Variants in GLIS3 observed in about 807,000 individuals in gnomAD.
The protein encoded by GLIS3 is GLIS family zinc finger 3, also known as zinc finger protein GLIS3.
In GLIS3, 53 loss-of-function variants were observed where a neutral mutation model predicts 78.6. The observed-to-expected ratio is 0.67, with a 90% CI of 0.54 to 0.85. The LOEUF is 0.85. Among genes scored for constraint, GLIS3 ranks in the 40% least tolerant of loss-of-function variants. The pLI, the probability that GLIS3 is intolerant of heterozygous loss-of-function variation, is 0.00. For missense variants in GLIS3, 1,703 were observed against 1,231.1 expected (o/e 1.38, Z -5.74); for synonymous variants, 684 against 509.9 (o/e 1.34, Z -4.60).
At chr9:4,018,402 G>A (rs776424273) in intron 4 of GLIS3, among the ~76,000 whole-genome samples, 6 of 152,186 alleles carry the variant, frequency 3.9e-5, no homozygotes, top group Non-Finnish European at 8.8e-5. Flanking sequence ...AAGGAAGAAA[G>A]CAAGATGAAT....
At chr9:4,396,647 T>C in the GLIS3 span, among the ~76,000 whole-genome samples, 1 of 152,236 alleles carries the variant, frequency 6.6e-6, no homozygotes, top group African/African-American at 2.4e-5. Flanking sequence ...ACCATTTTTA[T>C]ATCACCATTT....
At chr9:4,222,643 G>A (rs1474351379) in intron 2 of GLIS3, among the ~76,000 whole-genome samples, 1 of 152,186 alleles carries the variant, frequency 6.6e-6, no homozygotes, top group Non-Finnish European at 1.5e-5. Context: ...GCAGGCAAGT[G>A]TTTGGATGTG....
intron 8 of GLIS3, among the ~76,000 whole-genome samples, chr9:3,871,265 G>A (rs1820951408): frequency 6.6e-6 from 1 of 152,156 alleles, no homozygotes; most frequent in African/African-American, 2.4e-5. Flanking sequence ...ATTGAGCATG[G>A]GCTGGCATTG....
chr9:4,487,111 T>G, the GLIS3 span, among the ~76,000 whole-genome samples: 1 of 152,220 alleles, frequency 6.6e-6, no homozygotes, highest in Non-Finnish European at 1.5e-5. Flanking sequence ...GCGATTCTCC[T>G]GCCTCAGCCT....
At chr9:4,315,196 C>T (rs886865239) in intron 2 of GLIS3, among the ~76,000 whole-genome samples, 5 of 152,170 alleles carry the variant, frequency 3.3e-5, no homozygotes, top group Non-Finnish European at 5.9e-5. Context: ...AATCATGTGT[C>T]CCAGATGCAT....
intron 2 of GLIS3, among the ~76,000 whole-genome samples, chr9:4,132,066 C>CA (rs1291489826): frequency 2.2e-5 from 3 of 138,878 alleles, no homozygotes. Flanking sequence ...AAAAAAAAAA[C>CA]AAAAAACCAC....
At chr9:4,351,235 T>A (rs1817966880), upstream of GLIS3, among the ~76,000 whole-genome samples, 1 of 151,908 alleles carries the variant, frequency 6.6e-6, no homozygotes, top group African/African-American at 2.4e-5. Flanking sequence ...AGAGTGAGAC[T>A]CTGTCTCAAA....
intron 4 of GLIS3, among the ~76,000 whole-genome samples, chr9:3,985,035 C>T (rs1387240243): frequency 6.6e-6 from 1 of 151,908 alleles, no homozygotes; most frequent in African/African-American, 2.4e-5. Flanking sequence ...TTGTAAATTG[C>T]CCAGTCTCAG....
At chr9:4,328,577 GAT>G (rs1442344719) in intron 2 of GLIS3, among the ~76,000 whole-genome samples, 2 of 152,218 alleles carry the variant, frequency 1.3e-5, no homozygotes, top group African/African-American at 2.4e-5. Flanking sequence ...TCCCAAGAAA[GAT>G]AAAGCTCCTG....
chr9:4,200,224 C>G (rs1197600129), intron 2 of GLIS3, among the ~76,000 whole-genome samples: 1 of 151,960 alleles, frequency 6.6e-6, no homozygotes, highest in Non-Finnish European at 1.5e-5. Context: ...AATTAATGAA[C>G]TAACCTCAAA....
intron 6 of GLIS3, among the ~76,000 whole-genome samples, chr9:3,905,164 C>CTTTTTTTTTTTTT (rs1563834122): frequency 7.5e-6 from 1 of 133,356 alleles, no homozygotes; most frequent in Non-Finnish European, 1.6e-5. Flanking sequence ...TTTTTTTTTG[C>CTTTTTTTTTTTTT]TATTTTTAGT....
intron 2 of GLIS3, among the ~76,000 whole-genome samples, chr9:4,311,160 A>G (rs969750721): frequency 6.6e-6 from 1 of 152,160 alleles, no homozygotes; most frequent in Non-Finnish European, 1.5e-5. Flanking sequence ...TGTAATCCCA[A>G]CACTTTGGGA....
the GLIS3 span, among the ~76,000 whole-genome samples, chr9:4,466,888 G>A: frequency 2.0e-4 from 30 of 152,348 alleles, no homozygotes; most frequent in African/African-American, 5.8e-4. Flanking sequence ...CTAGCCAAGG[G>A]AAGCCGTGAC....
At chr9:4,035,436 C>A (rs1824217001) in intron 4 of GLIS3, among the ~76,000 whole-genome samples, 1 of 151,546 alleles carries the variant, frequency 6.6e-6, no homozygotes, top group African/African-American at 2.4e-5. Context: ...TCTCACCTAT[C>A]TCGTATTCCA....
chr9:4,270,970 C>G (rs891810894), intron 2 of GLIS3, among the ~76,000 whole-genome samples: 3 of 150,796 alleles, frequency 2.0e-5, no homozygotes, highest in African/African-American at 7.3e-5. Flanking sequence ...CAGGTTTGAA[C>G]TGCACAGATT....
At chr9:4,257,024 TTAA>T (rs2129957180) in intron 2 of GLIS3, among the ~76,000 whole-genome samples, 1 of 152,280 alleles carries the variant, frequency 6.6e-6, no homozygotes, top group African/African-American at 2.4e-5. Flanking sequence ...CATATATGTG[TTAA>T]TATTAATGTA....
chr9:4,174,056 C>T (rs996628201), intron 2 of GLIS3, among the ~76,000 whole-genome samples: 1 of 152,096 alleles, frequency 6.6e-6, no homozygotes, highest in Non-Finnish European at 1.5e-5. Flanking sequence ...TATATTTAGA[C>T]CTCTTTAGGA....
intron 2 of GLIS3, among the ~76,000 whole-genome samples, chr9:4,188,324 C>G (rs1051980218): frequency 2.7e-5 from 4 of 148,710 alleles, no homozygotes; most frequent in African/African-American, 9.9e-5. Context: ...ATTGAACCAG[C>G]CTTGCATCCC....
rs1476176816 is a variant in GLIS3 at position 3,828,229 on chromosome 9, C to T, written c.*43G>A. On this transcript the variant is annotated 3_prime_UTR_variant, in exon 11 of 11. Transcript: ENST00000381971. Reference sequence around the variant, plus strand: ...GAGTACGAAAACAAAAGGTGGCAAGCAACATCAAGGTCCTGGGTGTGCAGG... The same window carrying T: ...GAGTACGAAAACAAAAGGTGGCAAGTAACATCAAGGTCCTGGGTGTGCAGG... 3.1e-6 allele frequency: 5 copies of T among 1,612,980 alleles called. No homozygotes were observed. The South Asian group carries it at 4.4e-5, about 14-fold the overall frequency.
Sources: allele counts gnomAD v4.1 joint callset (sites outside exome capture counted in the v4.1 genomes callset), GRCh38; gene constraint gnomAD v4.1.1; transcripts MANE v1.5; gene names NCBI Gene and HGNC (gene_info 2026-07-23, HGNC 2026-07-21).